The following PFKFB3 variants were observed in gnomAD, a reference collection of about 807,000 sequenced individuals.
The protein encoded by PFKFB3 is 6-phosphofructo-2-kinase/fructose-2,6-biphosphatase 3, also known as 6-phosphofructo-2-kinase/fructose-2,6-bisphosphatase 3.
PFKFB3 carries 33 observed loss-of-function variants against 68.0 expected under a neutral mutation model. The observed-to-expected ratio is 0.49, with a 90% confidence interval of 0.37 to 0.65. The LOEUF is 0.65. Ranked by LOEUF, PFKFB3 falls within the 30% of genes least tolerant of loss-of-function variation. The pLI is 0.00. For missense variants in PFKFB3, 586 were observed against 712.2 expected (o/e 0.82, Z 2.02); for synonymous variants, 315 against 288.2 (o/e 1.09, Z -0.94).
At chr10:6,252,872 TA>T (rs1162556979) in intron 14 of PFKFB3, among the ~76,000 whole-genome samples, 1 of 152,226 alleles carries the variant, frequency 6.6e-6, no homozygotes, top group Non-Finnish European at 1.5e-5. Flanking sequence ...AGAGGGATGA[TA>T]AAAGGACCTT....
chr10:6,214,419 A>G (rs572060031), intron 2 of PFKFB3, among the ~76,000 whole-genome samples: 1 of 152,240 alleles, frequency 6.6e-6, no homozygotes, highest in East Asian at 1.9e-4. Flanking sequence ...CCTGGTGCCA[A>G]AAAGGATGGG....
downstream of PFKFB3, among the ~76,000 whole-genome samples, chr10:6,240,110 C>T (rs1846106891): frequency 6.6e-6 from 1 of 152,204 alleles, no homozygotes; most frequent in Non-Finnish European, 1.5e-5. Flanking sequence ...TACTGCTTTG[C>T]AAACAATAGG....
chr10:6,281,118 C>T, the PFKFB3 span, among the ~76,000 whole-genome samples: 31,565 of 137,018 alleles, frequency 0.23, 3,912 homozygotes, highest in South Asian at 0.28. Flanking sequence ...TCCAGGTTGC[C>T]GTGAATGCCA....
chr10:6,251,281 C>A lies in PFKFB3; in HGVS notation c.1516-2897C>A, dbSNP rs75528995. The stretch of plus-strand genomic sequence containing the variant: ...CATCTCCCTTAGTCTGTGGCAAAAC[C>A]AGCCACCCACCTGCCCATCCAGACT... On this transcript the variant is annotated intron_variant, in intron 14 of 14. Transcript: ENST00000640683. 0.012 allele frequency among the ~76,000 whole-genome samples: 1,789 copies of A among 152,260 alleles called. 112 individuals are homozygous for A. In the East Asian group the frequency reaches 0.18, roughly 15 times the overall value.
chr10:6,207,099 G>T (rs1373620699), intron 1 of PFKFB3, among the ~76,000 whole-genome samples: 3 of 152,172 alleles, frequency 2.0e-5, no homozygotes, highest in African/African-American at 4.8e-5. Flanking sequence ...CTGGGAGGTG[G>T]AAGTTGTAGC....
At chr10:6,151,437 G>C (rs756584897) in intron 1 of PFKFB3, among the ~76,000 whole-genome samples, 4 of 152,164 alleles carry the variant, frequency 2.6e-5, no homozygotes, top group Admixed American at 2.0e-4. Context: ...CCCAGTCCTC[G>C]GCCAGAGAAG....
At chr10:6,183,614 AAT>A (rs371411251) in intron 1 of PFKFB3, among the ~76,000 whole-genome samples, 3,092 of 93,764 alleles carry the variant, frequency 0.033, 37 homozygotes, top group Non-Finnish European at 0.042. Flanking sequence ...AAAAAAAAAA[AAT>A]ATATATATAT....
intron 1 of PFKFB3, among the ~76,000 whole-genome samples, chr10:6,193,634 G>C (rs527882100): frequency 6.6e-6 from 1 of 152,338 alleles, no homozygotes; most frequent in East Asian, 1.9e-4. Flanking sequence ...TTTCACCTGG[G>C]TGCAGGCGGG....
At chr10:6,252,802 AC>A (rs1846409222) in intron 14 of PFKFB3, among the ~76,000 whole-genome samples, 1 of 152,226 alleles carries the variant, frequency 6.6e-6, no homozygotes, top group African/African-American at 2.4e-5. Context: ...GCATAGAAAA[AC>A]ACTAGAAGGA....
the PFKFB3 span, among the ~76,000 whole-genome samples, chr10:6,281,723 T>G: frequency 6.6e-6 from 1 of 152,116 alleles, no homozygotes; most frequent in Non-Finnish European, 1.5e-5. Context: ...TAACTAAAGT[T>G]TCCTTAATCT....
chr10:6,166,595 C>A (rs370419126), intron 1 of PFKFB3, among the ~76,000 whole-genome samples: 1 of 152,102 alleles, frequency 6.6e-6, no homozygotes, highest in Admixed American at 6.6e-5. Context: ...GGGAGATTGT[C>A]GCTGGTCAGA....
At chr10:6,196,498 A>C (rs1051367769) in intron 1 of PFKFB3, among the ~76,000 whole-genome samples, 1 of 152,160 alleles carries the variant, frequency 6.6e-6, no homozygotes, top group Non-Finnish European at 1.5e-5. Flanking sequence ...AAAAGTGGGA[A>C]GTTAATAGTG....
At chr10:6,218,017 T>A (rs1844704558) in intron 6 of PFKFB3, among the ~76,000 whole-genome samples, 1 of 152,192 alleles carries the variant, frequency 6.6e-6, no homozygotes, top group South Asian at 2.1e-4. Context: ...TTTCTAGATA[T>A]CTTTAGGAAA....
upstream of PFKFB3, chr10:6,202,302 C>G (rs1843392168): frequency 6.7e-6 from 1 of 150,050 alleles, no homozygotes; most frequent in Non-Finnish European, 1.5e-5. Context: ...GTCCAGGTTT[C>G]TAAGGGATTC....
intron 1 of PFKFB3, among the ~76,000 whole-genome samples, chr10:6,186,901 C>T (rs79226963): frequency 0.02 from 3,117 of 152,254 alleles, 48 homozygotes; most frequent in Non-Finnish European, 0.03. Context: ...TAGCATCCCC[C>T]AATACCCCTT....
chr10:6,178,160 G>A lies in PFKFB3; in HGVS notation c.16+33147G>A, dbSNP rs1053524012. On this transcript the variant is annotated intron_variant, in intron 1 of 14. Coordinates refer to the PFKFB3 transcript ENST00000379789. ...GGAATCTGAAGCCCGGTGACCTTGG[G>A]CTGTGGGGAGCTGGCGGGCTTTATC... Among the ~76,000 whole-genome samples the A allele has an allele frequency of 2.6e-5, 4 of 152,178 alleles. No individual in the cohort carries two copies. In the South Asian group the frequency reaches 8.3e-4, roughly 32 times the overall value.
At chr10:6,277,150 A>G in the PFKFB3 span, among the ~76,000 whole-genome samples, 67 of 152,158 alleles carry the variant, frequency 4.4e-4, no homozygotes, top group African/African-American at 1.6e-3. Context: ...TGTAATCCCC[A>G]GTGCTGCAGG....
intron 14 of PFKFB3, among the ~76,000 whole-genome samples, chr10:6,245,575 C>G (rs528168515): frequency 6.6e-6 from 1 of 152,036 alleles, no homozygotes; most frequent in Non-Finnish European, 1.5e-5. Context: ...CACCACCACA[C>G]CCAGCCAATT....
At chr10:6,268,557 G>A in the PFKFB3 span, among the ~76,000 whole-genome samples, 1 of 151,784 alleles carries the variant, frequency 6.6e-6, no homozygotes, top group Non-Finnish European at 1.5e-5. Context: ...CGCAGGAGGT[G>A]GAGGTTGCAG....
Sources: allele counts gnomAD v4.1 joint callset (sites outside exome capture counted in the v4.1 genomes callset), GRCh38; gene constraint gnomAD v4.1.1; transcripts MANE v1.5; gene names NCBI Gene and HGNC (gene_info 2026-07-23, HGNC 2026-07-21).